The following MORC3 variants were observed in gnomAD, a reference collection of about 807,000 sequenced individuals.
The protein encoded by MORC3 is MORC family CW-type zinc finger protein 3.
MORC3 carries 31 observed loss-of-function variants against 109.1 expected under a neutral mutation model. That is an observed-to-expected ratio of 0.28 (90% confidence interval 0.21 to 0.38). The LOEUF (loss-of-function observed/expected upper bound fraction) is 0.38. Ranked by LOEUF, MORC3 falls within the 10% of genes least tolerant of loss-of-function variation. MORC3 has a pLI of 1.00. For missense variants in MORC3, 867 were observed against 1,135.8 expected, an observed-to-expected ratio of 0.76 and a Z score of 3.40; for synonymous variants, 395 against 380.7, an observed-to-expected ratio of 1.04 and a Z score of -0.44.
At chr21:36,352,596 T>C (rs1236749771) in intron 9 of MORC3, among the ~76,000 whole-genome samples, 1 of 152,154 alleles carries the variant, frequency 6.6e-6, no homozygotes, top group African/African-American at 2.4e-5. Context: ...CCTTTGGGTA[T>C]CATGTTGGCA....
chr21:36,359,500 T>C (rs1183080394), intron 10 of MORC3, among the ~76,000 whole-genome samples: 1 of 151,904 alleles, frequency 6.6e-6, no homozygotes, highest in Non-Finnish European at 1.5e-5. Flanking sequence ...ATTATAGGCA[T>C]GAGCTACCGT....
At chr21:36,367,719 T>A (rs915243119) in intron 14 of MORC3, among the ~76,000 whole-genome samples, 2 of 152,004 alleles carry the variant, frequency 1.3e-5, no homozygotes, top group Non-Finnish European at 2.9e-5. Context: ...CTCAAAGACA[T>A]AGGATCATGA....
chr21:36,331,155 T>G (rs1006907328), intron 1 of MORC3, among the ~76,000 whole-genome samples: 3 of 152,206 alleles, frequency 2.0e-5, no homozygotes, highest in Non-Finnish European at 4.4e-5. Flanking sequence ...TGATCTACAG[T>G]CTAATCATAT....
intron 8 of MORC3, among the ~76,000 whole-genome samples, chr21:36,346,472 G>T (rs2085508802): frequency 6.6e-6 from 1 of 152,104 alleles, no homozygotes; most frequent in Admixed American, 6.6e-5. Context: ...TAGGAGGATT[G>T]CTTGAGGCCA....
intron 10 of MORC3, among the ~76,000 whole-genome samples, chr21:36,358,925 C>T (rs576276070): frequency 3.9e-5 from 6 of 152,190 alleles, no homozygotes; most frequent in South Asian, 2.1e-4. Context: ...ATGATCCACC[C>T]GCGTCAGCCT....
intron 9 of MORC3, among the ~76,000 whole-genome samples, chr21:36,349,902 A>T (rs1352497134): frequency 6.6e-6 from 1 of 152,212 alleles, no homozygotes. Flanking sequence ...CCTGATGGGC[A>T]CAGCTGAAGC....
At chr21:36,352,227 CTG>C (rs774591728) in intron 9 of MORC3, among the ~76,000 whole-genome samples, 8 of 152,098 alleles carry the variant, frequency 5.3e-5, no homozygotes, top group Admixed American at 1.3e-4. Flanking sequence ...CCTACAAAAA[CTG>C]TGAATCAAAG....
At chr21:36,349,792 C>G (rs2085550594) in intron 9 of MORC3, among the ~76,000 whole-genome samples, 1 of 152,142 alleles carries the variant, frequency 6.6e-6, no homozygotes, top group African/African-American at 2.4e-5. Context: ...TAGACGTGGT[C>G]TCTGGTTGAC....
chr21:36,325,279 T>G (rs576426330), intron 1 of MORC3, among the ~76,000 whole-genome samples: 1 of 152,248 alleles, frequency 6.6e-6, no homozygotes, highest in African/African-American at 2.4e-5. Context: ...CAGGCGGAAT[T>G]GCTAAGAACC....
chr21:36,327,208 G>GTAGT (rs1369691177), intron 1 of MORC3, among the ~76,000 whole-genome samples: 1 of 132,716 alleles, frequency 7.5e-6, no homozygotes, highest in Non-Finnish European at 1.5e-5. Context: ...AGGCTGGAGT[G>GTAGT]TAGTGGTGAG....
At chr21:36,323,948 T>C (rs1267398085) in intron 1 of MORC3, among the ~76,000 whole-genome samples, 1 of 152,106 alleles carries the variant, frequency 6.6e-6, no homozygotes, top group East Asian at 1.9e-4. Flanking sequence ...TGATCTCGGC[T>C]CACCGCAACC....
At chr21:36,370,140 G>A (rs1055348010) in intron 15 of MORC3, among the ~76,000 whole-genome samples, 5 of 152,282 alleles carry the variant, frequency 3.3e-5, no homozygotes, top group East Asian at 3.9e-4. Context: ...CCCAGGAGGC[G>A]GAGGCTGCCG....
chr21:36,360,605 G>T (rs893170622), intron 12 of MORC3: 2 of 293,280 alleles, frequency 6.8e-6, no homozygotes, highest in East Asian at 1.7e-4. Flanking sequence ...ACGTGTTGGT[G>T]AGTGCCATAG....
chr21:36,375,028 T>C, intron 16 of MORC3, 115 bp from the exon 17 acceptor site: 1 of 1,114,702 alleles, frequency 9.0e-7, no homozygotes, highest in Non-Finnish European at 1.2e-6. Context: ...GCTTTTCCTT[T>C]TGTTTAATTG....
chr21:36,357,707 G>A (rs1049977572), intron 10 of MORC3, among the ~76,000 whole-genome samples: 3 of 150,392 alleles, frequency 2.0e-5, no homozygotes, highest in African/African-American at 2.4e-5. Flanking sequence ...TTGAAGTTTC[G>A]GATTTGTTTG....
chr21:36,345,596 A>G (rs769505871), intron 8 of MORC3, among the ~76,000 whole-genome samples: 7 of 151,364 alleles, frequency 4.6e-5, no homozygotes, highest in Admixed American at 1.3e-4. Context: ...TAATTTTTGT[A>G]TTTTTAGTAG....
At chr21:36,328,497 C>T (rs1435345256) in intron 1 of MORC3, among the ~76,000 whole-genome samples, 3 of 151,926 alleles carry the variant, frequency 2.0e-5, no homozygotes, top group Admixed American at 6.6e-5. Flanking sequence ...CGCACCACCA[C>T]GCCTGGATAT....
At chr21:36,339,501 C>CAAAAAAAAAAAAAAA (rs55863855) in intron 5 of MORC3, 36 of 101,374 alleles carry the variant, frequency 3.6e-4, no homozygotes, top group Non-Finnish European at 5.2e-4. Context: ...CCCGTCTTCT[C>CAAAAAAAAAAAAAAA]AAAAAAAAAA....
intron 1 of MORC3, among the ~76,000 whole-genome samples, chr21:36,327,891 T>G (rs1450582220): frequency 1.3e-5 from 2 of 152,062 alleles, no homozygotes; most frequent in East Asian, 3.9e-4. Context: ...GTTTTTTTTT[T>G]TCTGAGACAG....
Sources: gnomAD v4.1 joint callset for allele counts (sites outside exome capture counted in the v4.1 genomes callset) on GRCh38, gnomAD v4.1.1 for gene constraint, MANE v1.5 for transcripts, NCBI Gene and HGNC (gene_info 2026-07-23, HGNC 2026-07-21) for gene names.